The following ADAMTS6 variants were observed in gnomAD, a reference collection of about 807,000 sequenced individuals.
ADAMTS6 encodes the protein ADAM metallopeptidase with thrombospondin type 1 motif 6.
A neutral mutation model predicts 144.3 loss-of-function variants in ADAMTS6; 23 were observed. The ratio of observed to expected loss-of-function variants is 0.16; its 90% CI spans 0.11 to 0.23. The LOEUF (loss-of-function observed/expected upper bound fraction) is 0.23, where lower values mean the gene tolerates loss of function less well. Among genes scored for constraint, ADAMTS6 ranks in the 10% least tolerant of loss-of-function variants. The probability of loss-of-function intolerance (pLI) is 1.00; values close to 1 mark genes in which losing one functional copy is unlikely to be tolerated. For synonymous variants in ADAMTS6, 444 were observed against 457.5 expected (o/e 0.97, Z 0.38); for missense variants, 999 against 1,379.6 (o/e 0.72, Z 4.37).
At chr5:65,193,825 C>T (rs189894056) in intron 21 of ADAMTS6, among the ~76,000 whole-genome samples, 6 of 152,222 alleles carry the variant, frequency 3.9e-5, no homozygotes, top group African/African-American at 1.4e-4. Context: ...CAGCCAAAAT[C>T]GTTCAAGAGT....
At chr5:65,379,949 G>T (rs1383208244) in intron 7 of ADAMTS6, among the ~76,000 whole-genome samples, 2 of 151,872 alleles carry the variant, frequency 1.3e-5, no homozygotes, top group Non-Finnish European at 2.9e-5. Flanking sequence ...ATTCCTAATA[G>T]ATATACATTA....
chr5:65,244,979 G>A (rs1759504820), intron 14 of ADAMTS6, among the ~76,000 whole-genome samples: 1 of 152,114 alleles, frequency 6.6e-6, no homozygotes, highest in Non-Finnish European at 1.5e-5. Flanking sequence ...TTCGGAGTAA[G>A]GCAGACCTGG....
chr5:65,334,561 G>T (rs1346198375), intron 7 of ADAMTS6, among the ~76,000 whole-genome samples: 2 of 151,744 alleles, frequency 1.3e-5, no homozygotes, highest in African/African-American at 4.8e-5. Flanking sequence ...TCTTGTTAAA[G>T]AAAAAAAGAT....
At chr5:65,302,171 ATAT>A (rs1403553137) in intron 9 of ADAMTS6, among the ~76,000 whole-genome samples, 3 of 144,012 alleles carry the variant, frequency 2.1e-5, no homozygotes, top group Admixed American at 7.1e-5. Context: ...TATTTATATG[ATAT>A]TATACATATA....
At chr5:65,323,803 C>T (rs1187356526) in intron 9 of ADAMTS6, among the ~76,000 whole-genome samples, 3 of 152,120 alleles carry the variant, frequency 2.0e-5, no homozygotes, top group African/African-American at 4.8e-5. Flanking sequence ...TTTTAATGAT[C>T]ACCATTCTAA....
At position 65,169,980 on chromosome 5, in the gene ADAMTS6, T is replaced by C. The variant is rs1218977116; in HGVS notation, c.3244+637A>G. Among the ~76,000 whole-genome samples, 13 of 152,008 alleles carry C rather than the reference T, an allele frequency of 8.6e-5. No homozygotes were observed. The East Asian group carries it at 2.5e-3, about 30-fold the overall frequency. On this transcript the variant is annotated intron_variant, in intron 24 of 24. Coordinates refer to ENST00000381055, the MANE Select transcript of ADAMTS6 (RefSeq NM_197941.4). ...GCAGCGCACCAGCATGGCACATGTATACATATGTAACTAACCTGCACAATG... is the reference window on the plus strand; with the variant it reads ...GCAGCGCACCAGCATGGCACATGTACACATATGTAACTAACCTGCACAATG...
At position 65,151,035 on chromosome 5, in the gene ADAMTS6, T is replaced by C. The variant is rs755094353; in HGVS notation, c.*801A>G. The C allele has an allele frequency of 6.7e-4, 102 of 152,632 alleles. No homozygotes were observed. Among genetic ancestry groups the C allele is most frequent in the Non-Finnish European group, 1.1e-3 (78 of 68,046 alleles). 9.5% of individuals were successfully genotyped at this position (152,632 alleles called of 1,614,324 possible). Reference sequence around the variant, plus strand: ...CTGGTTTCTGCATGAAATTGAAATGTTTTTCTCTTAAAGTTTTAATGGAAA... The same window carrying C: ...CTGGTTTCTGCATGAAATTGAAATGCTTTTCTCTTAAAGTTTTAATGGAAA... On this transcript the variant is annotated 3_prime_UTR_variant, in exon 25 of 25. Transcript: ENST00000381055.
At position 65,182,398 on chromosome 5, in the gene ADAMTS6, C is replaced by T. The variant is rs75288462; in HGVS notation, c.2910+5618G>A. ...GGCAGAGACTGCAGTGAATCGAGAC[C>T]GTGCCACTACACTCCAGCCTGGGTG... is the stretch of plus-strand genomic sequence containing the variant. On this transcript the variant is annotated intron_variant, in intron 22 of 24. Transcript: ENST00000381055. Among the ~76,000 whole-genome samples, 900 of 146,732 alleles carry T rather than the reference C, an allele frequency of 6.1e-3. 6 individuals are homozygous for T. Among genetic ancestry groups the T allele is most frequent in the Non-Finnish European group, 7.9e-3 (529 of 67,290 alleles).
chr5:65,329,298 A>G, intron 9 of ADAMTS6, 80 bp downstream of exon 9: 1 of 1,281,152 alleles, frequency 7.8e-7, no homozygotes, highest in Non-Finnish European at 1.1e-6. Flanking sequence ...AAGGTTCAGC[A>G]CAGCCTTTCC....
chr5:65,359,132 C>T (rs975942505), intron 7 of ADAMTS6, among the ~76,000 whole-genome samples: 4 of 151,944 alleles, frequency 2.6e-5, no homozygotes, highest in African/African-American at 9.7e-5. Context: ...TATATTTCAT[C>T]GGGGTTAATG....
intron 20 of ADAMTS6, among the ~76,000 whole-genome samples, chr5:65,213,350 T>C (rs1306055573): frequency 6.6e-6 from 1 of 152,210 alleles, no homozygotes; most frequent in Non-Finnish European, 1.5e-5. Context: ...AGACTAAAAA[T>C]ACTGAATTAG....
chr5:65,363,797 C>T (rs1484265148), intron 7 of ADAMTS6, among the ~76,000 whole-genome samples: 1 of 152,024 alleles, frequency 6.6e-6, no homozygotes, highest in African/African-American at 2.4e-5. Flanking sequence ...ACAATGTTCA[C>T]GGTAAGAAAA....
At chr5:65,270,450 C>T (rs543308121) in intron 12 of ADAMTS6, among the ~76,000 whole-genome samples, 2 of 152,262 alleles carry the variant, frequency 1.3e-5, no homozygotes, top group South Asian at 2.1e-4. Flanking sequence ...GTTTTGCTCA[C>T]GTGTCTAGTT....
chr5:65,314,038 T>C (rs527322459), intron 9 of ADAMTS6, among the ~76,000 whole-genome samples: 38 of 152,256 alleles, frequency 2.5e-4, no homozygotes, highest in Non-Finnish European at 4.3e-4. Flanking sequence ...AGAGCTAGAT[T>C]AAATATGACA....
At chr5:65,458,703 C>A (rs748068036) in intron 4 of ADAMTS6, among the ~76,000 whole-genome samples, 1 of 152,208 alleles carries the variant, frequency 6.6e-6, no homozygotes, top group Non-Finnish European at 1.5e-5. Context: ...AGCCACTGCA[C>A]CCGGCCAACC....
intron 11 of ADAMTS6, among the ~76,000 whole-genome samples, chr5:65,275,260 G>A (rs1450769031): frequency 1.4e-5 from 2 of 144,032 alleles, no homozygotes; most frequent in African/African-American, 2.5e-5. Context: ...AAGAGAGAGA[G>A]AGGTAGGGAG....
intron 22 of ADAMTS6, among the ~76,000 whole-genome samples, chr5:65,180,695 ATT>A (rs1754292165): frequency 7.0e-6 from 1 of 142,624 alleles, no homozygotes. Flanking sequence ...ATTATACTGC[ATT>A]TTGATTTAAA....
chr5:65,280,674 A>T (rs957744446), intron 11 of ADAMTS6, among the ~76,000 whole-genome samples: 3 of 152,196 alleles, frequency 2.0e-5, no homozygotes, highest in Admixed American at 6.5e-5. Flanking sequence ...TGTTGTAGCT[A>T]AATGAACTAA....
chr5:65,339,050 A>T (rs1747580460), intron 7 of ADAMTS6, among the ~76,000 whole-genome samples: 1 of 152,168 alleles, frequency 6.6e-6, no homozygotes, highest in Non-Finnish European at 1.5e-5. Context: ...AAGTAACTGC[A>T]TGCCTGTGTT....
Sources: allele counts gnomAD v4.1 joint callset (sites outside exome capture counted in the v4.1 genomes callset), GRCh38; gene constraint gnomAD v4.1.1; transcripts MANE v1.5; gene names NCBI Gene and HGNC (gene_info 2026-07-23, HGNC 2026-07-21).